The following GRID1 variants were observed in gnomAD, a reference collection of about 807,000 sequenced individuals.
GRID1 encodes the protein glutamate receptor ionotropic, delta-1.
A neutral mutation model predicts 98.0 loss-of-function variants in GRID1; 28 were observed. That is an observed-to-expected ratio of 0.29 (90% confidence interval 0.21 to 0.39). GRID1 has a LOEUF of 0.39. Ranked by LOEUF, GRID1 falls within the 10% of genes least tolerant of loss-of-function variation. The probability of loss-of-function intolerance (pLI) is 1.00; values close to 1 mark genes in which losing one functional copy is unlikely to be tolerated. For missense variants in GRID1, 1,111 were observed against 1,340.5 expected, an observed-to-expected ratio of 0.83 and a Z score of 2.67; for synonymous variants, 553 against 538.5, an observed-to-expected ratio of 1.03 and a Z score of -0.37.
chr10:85,665,198 C>T (rs915930059), intron 12 of GRID1, among the ~76,000 whole-genome samples: 2 of 152,104 alleles, frequency 1.3e-5, no homozygotes, highest in Non-Finnish European at 1.5e-5. Flanking sequence ...CCTTTCCACA[C>T]AAGCAAACCC....
intron 4 of GRID1, among the ~76,000 whole-genome samples, chr10:86,107,891 C>T (rs906552092): frequency 1.3e-5 from 2 of 152,170 alleles, no homozygotes; most frequent in African/African-American, 4.8e-5. Flanking sequence ...TTCTTGCTCC[C>T]CCATCTGCTG....
chr10:86,126,015 TG>T (rs1021608924), intron 4 of GRID1, among the ~76,000 whole-genome samples: 52 of 152,290 alleles, frequency 3.4e-4, no homozygotes, highest in African/African-American at 1.1e-3. Context: ...TTTGACTGCA[TG>T]GGGGGTTGGT....
At chr10:86,099,291 G>A (rs1844261625) in intron 4 of GRID1, among the ~76,000 whole-genome samples, 1 of 152,180 alleles carries the variant, frequency 6.6e-6, no homozygotes, top group African/African-American at 2.4e-5. Flanking sequence ...CCCTGCCCAT[G>A]GTGACTGCTC....
At chr10:85,615,468 T>C (rs1842777552) in intron 14 of GRID1, among the ~76,000 whole-genome samples, 1 of 152,200 alleles carries the variant, frequency 6.6e-6, no homozygotes, top group African/African-American at 2.4e-5. Context: ...TCAATAAATG[T>C]GTGAATGTAC....
At position 85,790,216 on chromosome 10, in the gene GRID1, C is replaced by T. The variant is rs1842465962; in HGVS notation, c.1234-60602G>A. Among the ~76,000 whole-genome samples, 5 of 152,196 alleles carry T rather than the reference C, an allele frequency of 3.3e-5. No homozygotes were observed. In the South Asian group the frequency reaches 1.0e-3, roughly 32 times the overall value. On this transcript the variant is annotated intron_variant, in intron 8 of 15. Transcript: ENST00000327946. ...ATGTGGGAGGACAAGGCTGTGTTTCCCTTCGTCCCCTGTCATTCCCCAGCA... is the reference window on the plus strand; with the variant it reads ...ATGTGGGAGGACAAGGCTGTGTTTCTCTTCGTCCCCTGTCATTCCCCAGCA...
chr10:86,255,928 C>T (rs1050989609), intron 2 of GRID1, among the ~76,000 whole-genome samples: 1 of 152,158 alleles, frequency 6.6e-6, no homozygotes, highest in Non-Finnish European at 1.5e-5. Flanking sequence ...AACCACTACA[C>T]GGCCTCCCCC....
At chr10:86,347,943 C>T (rs1024601142) in intron 2 of GRID1, among the ~76,000 whole-genome samples, 2 of 152,174 alleles carry the variant, frequency 1.3e-5, no homozygotes, top group Non-Finnish European at 2.9e-5. Flanking sequence ...CCCCTATGTG[C>T]CACAGGGTGC....
intron 5 of GRID1, among the ~76,000 whole-genome samples, chr10:85,892,158 A>G (rs1457752478): frequency 6.6e-6 from 1 of 151,420 alleles, no homozygotes; most frequent in East Asian, 1.9e-4. Context: ...AAAGTCGATG[A>G]ACTTGAAAGT....
intron 6 of GRID1, among the ~76,000 whole-genome samples, chr10:85,861,945 C>T (rs1314770240): frequency 1.3e-5 from 2 of 152,190 alleles, no homozygotes; most frequent in Non-Finnish European, 2.9e-5. Flanking sequence ...AACCTGTCTC[C>T]AGCCTCAGAT....
At chr10:86,117,513 C>T (rs1186132016) in intron 4 of GRID1, among the ~76,000 whole-genome samples, 3 of 152,070 alleles carry the variant, frequency 2.0e-5, no homozygotes, top group African/African-American at 7.2e-5. Context: ...CTATCACCAC[C>T]ACCACTACCA....
chr10:85,911,037 T>G (rs1841530308), intron 5 of GRID1, among the ~76,000 whole-genome samples: 1 of 152,124 alleles, frequency 6.6e-6, no homozygotes, highest in Non-Finnish European at 1.5e-5. Flanking sequence ...GGATGACCCA[T>G]GAGATATGAA....
At chr10:85,949,549 T>C (rs1842092634) in intron 4 of GRID1, among the ~76,000 whole-genome samples, 1 of 152,236 alleles carries the variant, frequency 6.6e-6, no homozygotes, top group Non-Finnish European at 1.5e-5. Context: ...GATTTTCATT[T>C]ACAGTGTTTC....
chr10:85,916,300 T>C lies in GRID1; in HGVS notation c.727-61A>G. ...AAGACAGAAGCTGGCAGACACAGGA[T>C]GATTGCCGAGACAGAGTTTTATAAA... On this transcript the variant is annotated intron_variant, in intron 4 of 15. Transcript: ENST00000327946. The surrounding 1 kb of genome is among the most constrained non-coding windows in gnomAD (Gnocchi z 4.0). The C allele has an allele frequency of 8.4e-7, 1 of 1,194,172 alleles. No individual in the cohort carries two copies. 74.0% of individuals were successfully genotyped at this position (1,194,172 alleles called of 1,614,324 possible).
At chr10:85,959,622 T>C (rs898358055) in intron 4 of GRID1, among the ~76,000 whole-genome samples, 2 of 150,484 alleles carry the variant, frequency 1.3e-5, no homozygotes, top group Admixed American at 6.7e-5. Context: ...CATAAAATGA[T>C]ACATAAGGTA....
At chr10:85,868,861 C>T (rs926660859) in intron 6 of GRID1, 149 bp downstream of exon 6, 6 of 657,394 alleles carry the variant, frequency 9.1e-6, no homozygotes, top group African/African-American at 1.8e-5. Flanking sequence ...AGAGACACTG[C>T]CCAGTCAACC....
At chr10:86,177,402 T>G (rs1792132614) in intron 3 of GRID1, among the ~76,000 whole-genome samples, 1 of 151,826 alleles carries the variant, frequency 6.6e-6, no homozygotes, top group Non-Finnish European at 1.5e-5. Context: ...GAGATCCCAG[T>G]GTGTGCATAT....
chr10:86,311,725 G>C (rs1847835363), intron 2 of GRID1, among the ~76,000 whole-genome samples: 1 of 152,224 alleles, frequency 6.6e-6, no homozygotes, highest in Non-Finnish European at 1.5e-5. Flanking sequence ...TTTAGGCATG[G>C]TGGCTCACGC....
At chr10:86,133,272 A>G (rs1844866141) in intron 4 of GRID1, among the ~76,000 whole-genome samples, 5 of 152,154 alleles carry the variant, frequency 3.3e-5, no homozygotes, top group Admixed American at 2.6e-4. Flanking sequence ...TGGTTGTACC[A>G]GTGTATGTGG....
chr10:85,620,855 C>T (rs1007946141), intron 13 of GRID1, among the ~76,000 whole-genome samples: 10 of 152,226 alleles, frequency 6.6e-5, no homozygotes, highest in African/African-American at 2.4e-4. Context: ...TGCACACACT[C>T]ACATGCATAT....
Sources: gnomAD v4.1 joint callset for allele counts (sites outside exome capture counted in the v4.1 genomes callset) on GRCh38, gnomAD v4.1.1 for gene constraint, Gnocchi (gnomAD v3.1) non-coding constraint, MANE v1.5 for transcripts, NCBI Gene and HGNC (gene_info 2026-07-23, HGNC 2026-07-21) for gene names.